Variants in SGCD observed in about 807,000 individuals in gnomAD.
SGCD encodes delta-sarcoglycan.
Under a neutral mutation model 36.6 loss-of-function variants are expected in SGCD, and 18 were observed. That is an observed-to-expected ratio of 0.49 (90% CI 0.34 to 0.73). The LOEUF is 0.73. SGCD is among the 30% of genes least tolerant of loss of function. The pLI, the probability that SGCD is intolerant of heterozygous loss-of-function variation, is 0.01. For synonymous variants in SGCD, 133 were observed against 130.6 expected (o/e 1.02, Z -0.12); for missense variants, 387 against 346.7 (o/e 1.12, Z -0.92).
intron 1 of SGCD, among the ~76,000 whole-genome samples, chr5:155,894,721 C>T (rs1264153488): frequency 1.3e-5 from 2 of 152,266 alleles, no homozygotes; most frequent in Non-Finnish European, 2.9e-5. Context: ...TTACGAGACT[C>T]TAACGCCTGA....
intron 3 of SGCD, among the ~76,000 whole-genome samples, chr5:156,266,042 G>A (rs953256253): frequency 6.6e-6 from 1 of 152,178 alleles, no homozygotes; most frequent in Non-Finnish European, 1.5e-5. Flanking sequence ...GTACTTGTTA[G>A]AAATATTGGA....
chr5:156,334,629 T>TTTGGTTTTTTTTTGGG (rs780294996), intron 2 of SGCD, among the ~76,000 whole-genome samples: 1 of 116,860 alleles, frequency 8.6e-6, no homozygotes, highest in Non-Finnish European at 1.9e-5. Flanking sequence ...TTTTTTTTTT[T>TTTGGTTTTTTTTTGGG]GGCTTTTTTT....
chr5:156,187,200 A>G (rs1763781338), intron 3 of SGCD, among the ~76,000 whole-genome samples: 1 of 152,132 alleles, frequency 6.6e-6, no homozygotes, highest in Admixed American at 6.6e-5. Context: ...AGAGAGGAAA[A>G]AGATCCTTCA....
chr5:156,568,147 T>A (rs1054303150), intron 4 of SGCD, among the ~76,000 whole-genome samples: 8 of 152,106 alleles, frequency 5.3e-5, no homozygotes, highest in African/African-American at 1.7e-4. Flanking sequence ...CCCAGCACTT[T>A]AGGAGGCTGA....
chr5:156,403,828 G>A (rs1237654365), intron 3 of SGCD, among the ~76,000 whole-genome samples: 1 of 136,392 alleles, frequency 7.3e-6, no homozygotes, highest in East Asian at 2.1e-4. Context: ...GATATTCCCT[G>A]ACATATTTTT....
intron 3 of SGCD, among the ~76,000 whole-genome samples, chr5:156,206,005 TTA>T (rs1477242027): frequency 1.4e-4 from 21 of 144,946 alleles, no homozygotes; most frequent in African/African-American, 5.3e-4. Flanking sequence ...TATATATATA[TTA>T]TATATTATAT....
chr5:155,804,974 C>T, the SGCD span, among the ~76,000 whole-genome samples: 1 of 152,112 alleles, frequency 6.6e-6, no homozygotes, highest in African/African-American at 2.4e-5. Flanking sequence ...AGCACAGTTG[C>T]CATTAGCCAC....
chr5:155,932,512 T>A (rs186017080), intron 1 of SGCD, among the ~76,000 whole-genome samples: 32 of 152,318 alleles, frequency 2.1e-4, no homozygotes, highest in Admixed American at 2.1e-3. Flanking sequence ...TTTCATGTAT[T>A]ACTTTGATGT....
the SGCD span, among the ~76,000 whole-genome samples, chr5:155,825,931 T>G: frequency 6.6e-6 from 1 of 152,080 alleles, no homozygotes; most frequent in East Asian, 1.9e-4. Flanking sequence ...GTATTTTTAG[T>G]AGAGATGGGG....
At chr5:156,307,555 G>C (rs67112441) in intron 3 of SGCD, among the ~76,000 whole-genome samples, 1 of 41,146 alleles carries the variant, frequency 2.4e-5, no homozygotes, top group African/African-American at 7.6e-5. Context: ...TTTAACTGTT[G>C]TTTTTTTTTT....
intron 1 of SGCD, among the ~76,000 whole-genome samples, chr5:155,969,117 G>A (rs952938200): frequency 2.0e-5 from 3 of 152,038 alleles, no homozygotes; most frequent in African/African-American, 7.2e-5. Flanking sequence ...GTATTGCTGT[G>A]AACATCTGTA....
At chr5:156,202,159 C>G (rs1023287397) in intron 3 of SGCD, among the ~76,000 whole-genome samples, 1 of 152,116 alleles carries the variant, frequency 6.6e-6, no homozygotes, top group Non-Finnish European at 1.5e-5. Context: ...TGGCCTTTGC[C>G]GTTAAAGTGA....
rs554555446 is a variant in SGCD, at chr5:156,534,220, G to T, written c.294+25518G>T. ...AAGATTTACATGAAGAAATTGTCTG[G>T]TCCTACTCAGCTCCATGGAGCTGCC... On this transcript the variant is annotated intron_variant, in intron 4 of 8. Coordinates refer to ENST00000337851, the MANE Select transcript of SGCD (RefSeq NM_000337.6). 3.3e-5 allele frequency among the ~76,000 whole-genome samples: 5 copies of T among 149,842 alleles called. No homozygotes were observed. The East Asian group carries it at 9.8e-4, about 29-fold the overall frequency.
chr5:155,883,551 GA>G (rs1402773392), intron 1 of SGCD, among the ~76,000 whole-genome samples: 6 of 151,980 alleles, frequency 3.9e-5, no homozygotes, highest in Non-Finnish European at 8.8e-5. Flanking sequence ...CTGGTTGGTG[GA>G]ACAGTTCACA....
chr5:156,406,179 G>A (rs1772398657), intron 3 of SGCD, among the ~76,000 whole-genome samples: 2 of 152,112 alleles, frequency 1.3e-5, no homozygotes, highest in African/African-American at 2.4e-5. Flanking sequence ...TAACCTGAGA[G>A]CCACAGACCT....
chr5:156,506,051 C>T (rs1756680307), intron 3 of SGCD, among the ~76,000 whole-genome samples: 1 of 152,130 alleles, frequency 6.6e-6, no homozygotes, highest in Admixed American at 6.5e-5. Flanking sequence ...CTTTGAAATT[C>T]CACAGTTTGA....
intron 1 of SGCD, among the ~76,000 whole-genome samples, chr5:156,004,550 T>C (rs757485106): frequency 8.5e-5 from 13 of 152,190 alleles, no homozygotes; most frequent in Non-Finnish European, 1.8e-4. Flanking sequence ...TCCAGCTAGT[T>C]AGAGGTAGAA....
In SGCD at chr5:156,122,843, TAAAAAAAAAAAAAAAAAAAAAAAA is replaced by T. The variant is rs33983852; in HGVS notation, c.-207-995_-207-972del. On this transcript the variant is annotated intron_variant, in intron 2 of 9. Coordinates refer to the SGCD transcript ENST00000517913. Reference sequence around the variant, plus strand: ...ACCAGCATGGTAGTAAAAGATGTGGTAAAAAAAAAAAAAAAAAAAAAAAAAAAAAAAAAAAAAAAAAGGTCAGCT... The same window carrying T: ...ACCAGCATGGTAGTAAAAGATGTGGTAAAAAAAAAAAAAAAAAGGTCAGCT... 5.4e-3 allele frequency among the ~76,000 whole-genome samples: 293 copies of T among 54,160 alleles called. 3 individuals are homozygous for T. Among genetic ancestry groups the T allele is most frequent in the African/African-American group, 0.016 (195 of 12,354 alleles). 35.5% of individuals were successfully genotyped at this position (54,160 alleles called of 152,430 possible).
chr5:156,143,739 T>A (rs1191994210), intron 3 of SGCD, among the ~76,000 whole-genome samples: 1 of 150,950 alleles, frequency 6.6e-6, no homozygotes, highest in Non-Finnish European at 1.5e-5. Context: ...TTTTTGCAAT[T>A]TTTTTTTTAA....
Sources: gnomAD v4.1 joint callset for allele counts (sites outside exome capture counted in the v4.1 genomes callset) on GRCh38, gnomAD v4.1.1 for gene constraint, MANE v1.5 for transcripts, NCBI Gene and HGNC (gene_info 2026-07-23, HGNC 2026-07-21) for gene names.